The following PRR14L variants were observed in gnomAD, a reference collection of about 807,000 sequenced individuals.
The protein encoded by PRR14L is proline rich 14 like, also known as protein PRR14L.
PRR14L carries 80 observed loss-of-function variants against 155.0 expected under a neutral mutation model. The ratio of observed to expected loss-of-function variants is 0.52; its 90% CI spans 0.43 to 0.62. PRR14L has a LOEUF of 0.62. Among genes scored for constraint, PRR14L ranks in the 20% least tolerant of loss-of-function variants. The probability of loss-of-function intolerance (pLI) is 0.00; values close to 1 mark genes in which losing one functional copy is unlikely to be tolerated. For synonymous variants in PRR14L, 883 were observed against 916.0 expected (o/e 0.96, Z 0.65); for missense variants, 2,469 against 2,548.0 (o/e 0.97, Z 0.67).
chr22:31,689,919 AT>A (rs531522039), intron 7 of PRR14L, among the ~76,000 whole-genome samples: 44 of 142,688 alleles, frequency 3.1e-4, no homozygotes, highest in East Asian at 2.2e-3. Flanking sequence ...CTAATTTTTG[AT>A]TTTTTTTTTT....
At chr22:31,689,121 A>G (rs2074498151) in intron 7 of PRR14L, among the ~76,000 whole-genome samples, 1 of 152,158 alleles carries the variant, frequency 6.6e-6, no homozygotes, top group African/African-American at 2.4e-5. Flanking sequence ...TTTATATTTG[A>G]TATGTTTTAA....
intron 2 of PRR14L, among the ~76,000 whole-genome samples, chr22:31,732,110 T>G (rs1352000737): frequency 6.6e-6 from 1 of 152,238 alleles, no homozygotes; most frequent in Non-Finnish European, 1.5e-5. Flanking sequence ...TGGTTTATCC[T>G]TCCCATGTGT....
At chr22:31,731,057 G>C (rs1264624566) in intron 2 of PRR14L, among the ~76,000 whole-genome samples, 1 of 152,074 alleles carries the variant, frequency 6.6e-6, no homozygotes, top group African/African-American at 2.4e-5. Flanking sequence ...ATAATTTTCT[G>C]AGCATTTGGC....
intron 3 of PRR14L, among the ~76,000 whole-genome samples, chr22:31,718,789 A>T (rs982790189): frequency 2.4e-5 from 3 of 122,548 alleles, no homozygotes; most frequent in Non-Finnish European, 5.1e-5. Context: ...CTATTTAAAG[A>T]TCGGCCAGGC....
chr22:31,688,267 TCTC>T (rs770072494), intron 7 of PRR14L, 40 bp from the exon 8 acceptor site: 16 of 1,518,760 alleles, frequency 1.1e-5, no homozygotes, highest in African/African-American at 4.2e-5. Context: ...AGGTTCTCTC[TCTC>T]TTTTTTTTTT....
At chr22:31,744,074 G>C (rs1384491918) in intron 1 of PRR14L, among the ~76,000 whole-genome samples, 1 of 147,686 alleles carries the variant, frequency 6.8e-6, no homozygotes, top group African/African-American at 2.5e-5. Context: ...CTGGAGTGTG[G>C]TGGTGCGATC....
In PRR14L at chr22:31,714,795, A is replaced by G. The variant is rs1202427625; in HGVS notation, c.3044T>C (p.Leu1015Pro). The G allele has an allele frequency of 3.9e-6, 6 of 1,552,202 alleles. No homozygotes were observed. In the African/African-American group the frequency reaches 8.2e-5, roughly 21 times the overall value. ...HGEVNHNQKD[L>P]LVSSGSNNSL... ...GTTATTACTGCCTGAGCTGACCAGC[A>G]GATCCTTTTGGTTGTGGTTTACCTC... Residue 1015 changes from leucine (L) to proline (P), a missense_variant, in exon 4 of 9, where the codon CTG (leucine) becomes CCG (proline). This residue lies in a region of PRR14L where 2,363 missense variants were observed against 2,371.6 expected (regional missense o/e 1.00). Transcript: ENST00000327423.
chr22:31,708,516 G>A (rs546542071), intron 4 of PRR14L, among the ~76,000 whole-genome samples: 6 of 151,952 alleles, frequency 3.9e-5, no homozygotes, highest in East Asian at 1.9e-4. Flanking sequence ...TAGTAGAGAC[G>A]AGGTTTCACC....
chr22:31,696,291 G>A (rs959774002), intron 7 of PRR14L, among the ~76,000 whole-genome samples: 5 of 151,896 alleles, frequency 3.3e-5, no homozygotes, highest in Non-Finnish European at 5.9e-5. Flanking sequence ...ACAGGTGTAC[G>A]CCACCACACC....
intron 3 of PRR14L, among the ~76,000 whole-genome samples, chr22:31,717,734 A>C (rs1484570715): frequency 6.6e-6 from 1 of 152,158 alleles, no homozygotes; most frequent in East Asian, 1.9e-4. Flanking sequence ...GAAAAAAACA[A>C]CTATACCTAA....
intron 7 of PRR14L, among the ~76,000 whole-genome samples, chr22:31,699,313 C>CAGCAG (rs532134213): frequency 1.0e-3 from 159 of 152,350 alleles, no homozygotes; most frequent in Middle Eastern, 6.8e-3. Flanking sequence ...GCTTGGATTA[C>CAGCAG]AGGCGTGAGC....
chr22:31,704,634 C>G, intron 5 of PRR14L, 21 bp downstream of exon 5: 7 of 1,606,876 alleles, frequency 4.4e-6, no homozygotes, highest in Non-Finnish European at 6.0e-6. Flanking sequence ...CGCACACACA[C>G]GCTGAGTCTC....
In PRR14L at chr22:31,713,548, G is replaced by T; in HGVS notation, c.4291C>A (p.Gln1431Lys). The T allele has an allele frequency of 6.4e-7, 1 of 1,552,078 alleles. No individual in the cohort carries two copies. The highest frequency in any genetic ancestry group is 8.7e-7 in the Non-Finnish European group (1 of 1,147,080). ...SSLLLDDAQN[Q>K]NQPKADKDES... ...TCTTTGTCAGCCTTCGGTTGGTTCTGATTTTGTGCATCATCTAACAACAGA... is the reference window on the plus strand; with the variant it reads ...TCTTTGTCAGCCTTCGGTTGGTTCTTATTTTGTGCATCATCTAACAACAGA... The change falls in exon 4 of 9, where the codon CAG (glutamine) becomes AAG (lysine). Residue 1431 changes from glutamine (Q) to lysine (K), a missense_variant. Physicochemically the swap from Gln to Lys is moderately conservative, Grantham distance 53 (BLOSUM62 1). Around this residue, in one of 2 missense-constraint regions of PRR14L, gnomAD observed 2,363 missense variants for 2,371.6 expected, o/e 1.00. Coordinates refer to ENST00000327423, the MANE Select transcript of PRR14L (RefSeq NM_173566.3).
At position 31,715,262 on chromosome 22, in the gene PRR14L, A is replaced by G. The variant is rs2074650159; in HGVS notation, c.2577T>C (p.Asp859=). The stretch of plus-strand genomic sequence containing the variant: ...GAAGGCTGCCATTCGTTTCTTTCCC[A>G]TCAAGTTCCCTTTCCTGTGATGTGT... The part of the protein sequence containing the change: ...VSYTSQEREL[D]GKETNGSLPG... The change falls in exon 4 of 9, where the codon GAT becomes GAC. Residue 859 remains aspartate (D), a synonymous_variant. Coordinates refer to ENST00000327423, the MANE Select transcript of PRR14L (RefSeq NM_173566.3). 1 of 1,552,166 alleles carries G rather than the reference A, an allele frequency of 6.4e-7. No homozygotes were observed. Among genetic ancestry groups the G allele is most frequent in the East Asian group, 2.4e-5 (1 of 40,922 alleles).
chr22:31,746,592 C>T lies in PRR14L; in HGVS notation c.-52+3401G>A, dbSNP rs969215164. On this transcript the variant is annotated intron_variant, in intron 1 of 8. Transcript: ENST00000327423. ...TAGATTTATGAACGACTTTTGACAGCTGCTACTGGCTTGTCGTCTTTATCA... is the reference window on the plus strand; with the variant it reads ...TAGATTTATGAACGACTTTTGACAGTTGCTACTGGCTTGTCGTCTTTATCA... Among the ~76,000 whole-genome samples the T allele has an allele frequency of 2.0e-5, 3 of 152,172 alleles. No individual in the cohort carries two copies. The South Asian group carries it at 6.2e-4, about 32-fold the overall frequency.
chr22:31,721,049 CA>C (rs1641068027), intron 3 of PRR14L, among the ~76,000 whole-genome samples: 1 of 152,200 alleles, frequency 6.6e-6, no homozygotes, highest in Admixed American at 6.5e-5. Flanking sequence ...TTGATAACAT[CA>C]GTTTTGTAAA....
chr22:31,743,808 A>G (rs2074824637), intron 1 of PRR14L, among the ~76,000 whole-genome samples: 1 of 151,812 alleles, frequency 6.6e-6, no homozygotes, highest in South Asian at 2.1e-4. Flanking sequence ...CCTCGAAAAA[A>G]AAAAAAAAGA....
rs771642634 is a variant in PRR14L at position 31,712,450 on chromosome 22, G to C, written c.5389C>G (p.Pro1797Ala). 6.4e-7 allele frequency: 1 copy of C among 1,555,920 alleles called. No individual in the cohort carries two copies. The highest frequency in any genetic ancestry group is 8.7e-7 in the Non-Finnish European group (1 of 1,149,076). ...CCTCCATAGTCTTGGAGAGGAGCTG[G>C]AGGCTGGGGAGGAGCCTGAGTGTGG... is the stretch of plus-strand genomic sequence containing the variant. ...QTHTQAPPQP[P>A]APLQDYGGTA... Residue 1797 changes from proline to alanine, a missense_variant, in exon 4 of 9, where the codon CCA becomes GCA. Around this residue, in one of 2 missense-constraint regions of PRR14L, gnomAD observed 2,363 missense variants for 2,371.6 expected, o/e 1.00. Transcript: ENST00000327423.
intron 3 of PRR14L, among the ~76,000 whole-genome samples, chr22:31,724,310 C>G (rs1414324692): frequency 1.3e-5 from 2 of 152,178 alleles, no homozygotes; most frequent in Non-Finnish European, 2.9e-5. Context: ...AGCATCCACC[C>G]CACCAGATCT....
Sources: allele counts gnomAD v4.1 joint callset (sites outside exome capture counted in the v4.1 genomes callset), GRCh38; gene constraint gnomAD v4.1.1; regional missense constraint gnomAD v4.1.1; transcripts MANE v1.5; gene names NCBI Gene and HGNC (gene_info 2026-07-23, HGNC 2026-07-21).